The following PI4K2B variants were observed in gnomAD, a reference collection of about 807,000 sequenced individuals.
The protein encoded by PI4K2B is phosphatidylinositol 4-kinase type 2-beta.
In PI4K2B, 46 loss-of-function variants were observed where a neutral mutation model predicts 56.6. That is an observed-to-expected ratio of 0.81 (90% CI 0.64 to 1.04). PI4K2B has a LOEUF of 1.04. Among genes scored for constraint, PI4K2B ranks in the 50% least tolerant of loss-of-function variants. PI4K2B has a pLI of 0.00. For missense variants in PI4K2B, 556 were observed against 607.7 expected, an observed-to-expected ratio of 0.91 and a Z score of 0.89; for synonymous variants, 211 against 223.8, an observed-to-expected ratio of 0.94 and a Z score of 0.51.
At chr4:25,261,997 A>G (rs956640867) in intron 6 of PI4K2B, among the ~76,000 whole-genome samples, 1 of 152,202 alleles carries the variant, frequency 6.6e-6, no homozygotes, top group Non-Finnish European at 1.5e-5. Context: ...ATAAATGCTC[A>G]TATGTATAAG....
intron 4 of PI4K2B, 24 bp from the exon 5 acceptor site, chr4:25,259,013 T>C (rs766999027): frequency 1.6e-6 from 2 of 1,283,474 alleles, no homozygotes; most frequent in Non-Finnish European, 2.2e-6. Context: ...CTTTCTTTTC[T>C]AACTATAGTT....
In PI4K2B at chr4:25,234,041, C is replaced by T; in HGVS notation, c.-123C>T. The T allele has an allele frequency of 1.2e-6, 1 of 861,674 alleles. No individual in the cohort carries two copies. Among genetic ancestry groups the T allele is most frequent in the Non-Finnish European group, 1.5e-6 (1 of 650,670 alleles). The allele number at this position is 861,674 out of a possible 1,614,324, so 53.4% of individuals were successfully genotyped here. Reference sequence around the variant, plus strand: ...ACCGCTGGGCGGGCGCCAAGCGTGCCCGTGCGCTGGTGAGGTGGCGTCCGT... The same window carrying T: ...ACCGCTGGGCGGGCGCCAAGCGTGCTCGTGCGCTGGTGAGGTGGCGTCCGT... On this transcript the variant is annotated 5_prime_UTR_variant, in exon 1 of 10. Transcript: ENST00000264864.
chr4:25,264,451 A>G (rs1716593009), intron 7 of PI4K2B, among the ~76,000 whole-genome samples: 1 of 152,188 alleles, frequency 6.6e-6, no homozygotes, highest in Non-Finnish European at 1.5e-5. Flanking sequence ...GATTTCTGTA[A>G]TTTGCCTTAA....
At chr4:25,268,251 A>G (rs1716737101) in intron 7 of PI4K2B, among the ~76,000 whole-genome samples, 192 bp from the exon 8 acceptor site, 1 of 152,236 alleles carries the variant, frequency 6.6e-6, no homozygotes, top group Non-Finnish European at 1.5e-5. Context: ...CAGAGACATT[A>G]CTAGTTTACT....
At chr4:25,254,020 A>C (rs1031136141) in intron 2 of PI4K2B, among the ~76,000 whole-genome samples, 2 of 152,164 alleles carry the variant, frequency 1.3e-5, no homozygotes, top group African/African-American at 4.8e-5. Context: ...CTCACCTCCC[A>C]AAGTGCTGGG....
intron 7 of PI4K2B, among the ~76,000 whole-genome samples, chr4:25,265,198 C>CAAAAAAAAA (rs71188933): frequency 0.026 from 1,693 of 65,206 alleles, 140 homozygotes; most frequent in East Asian, 0.12. Context: ...TCTGTCTCAC[C>CAAAAAAAAA]AAAAAAAAAA....
intron 1 of PI4K2B, among the ~76,000 whole-genome samples, chr4:25,242,491 G>A (rs374350723): frequency 1.2e-4 from 19 of 152,320 alleles, no homozygotes; most frequent in Admixed American, 4.6e-4. Flanking sequence ...GTCCAGAACC[G>A]TGAACCATTC....
intron 9 of PI4K2B, among the ~76,000 whole-genome samples, chr4:25,273,877 A>G (rs745463820): frequency 1.4e-4 from 21 of 152,158 alleles, no homozygotes; most frequent in Non-Finnish European, 2.9e-4. Context: ...ATCTACCTTT[A>G]TCTCTTGCCG....
intron 7 of PI4K2B, among the ~76,000 whole-genome samples, chr4:25,265,448 C>T (rs972083079): frequency 1.3e-5 from 2 of 151,874 alleles, no homozygotes; most frequent in Non-Finnish European, 2.9e-5. Flanking sequence ...ATTCTTTTCT[C>T]CTATTATGTT....
intron 9 of PI4K2B, among the ~76,000 whole-genome samples, chr4:25,275,501 A>G (rs868203727): frequency 2.6e-5 from 4 of 152,018 alleles, no homozygotes; most frequent in African/African-American, 9.7e-5. Context: ...CTGTCTCTCC[A>G]CAAAGTACAA....
Position 25,269,187 on chromosome 4 carries a change from C to A in PI4K2B, c.1256C>A (p.Ser419Tyr). 6.4e-7 allele frequency: 1 copy of A among 1,572,890 alleles called. No individual in the cohort carries two copies. The highest frequency in any genetic ancestry group is 8.7e-7 in the Non-Finnish European group (1 of 1,143,072). The change falls in exon 9 of 10, where the codon TCT becomes TAT. Residue 419 changes from serine (S) to tyrosine (Y), a missense_variant. By Grantham distance (144) the Ser-to-Tyr change is moderately radical. Transcript: ENST00000264864. ...AAAGCCACTTTTGAAAGTCAGATGT[C>A]TGTGATGAGGGGTCAGGTAAGTTAC... ...FDKATFESQM[S>Y]VMRGQILNLT... is the part of the protein sequence containing the mutation.
intron 1 of PI4K2B, among the ~76,000 whole-genome samples, chr4:25,236,580 A>G (rs1715271937): frequency 2.0e-5 from 3 of 152,216 alleles, no homozygotes; most frequent in South Asian, 4.1e-4. Flanking sequence ...TTTTCACAAC[A>G]GCACAGCAAG....
intron 1 of PI4K2B, among the ~76,000 whole-genome samples, chr4:25,239,976 T>C (rs1308137959): frequency 1.3e-5 from 2 of 152,222 alleles, no homozygotes; most frequent in South Asian, 2.1e-4. Context: ...CAGTAGAATT[T>C]GTTAGTTGAA....
intron 6 of PI4K2B, 93 bp from the exon 7 acceptor site, chr4:25,263,657 G>A (rs1716560281): frequency 1.8e-5 from 9 of 511,060 alleles, no homozygotes; most frequent in Middle Eastern, 5.2e-4. Flanking sequence ...GAGAGAATAT[G>A]TTCTTAAACC....
chr4:25,266,837 T>G (rs948362632), intron 7 of PI4K2B, among the ~76,000 whole-genome samples: 1 of 152,230 alleles, frequency 6.6e-6, no homozygotes, highest in African/African-American at 2.4e-5. Flanking sequence ...TAGTGTTTGC[T>G]ATTACTGAGG....
chr4:25,237,342 G>GTTTTTT (rs36107923), intron 1 of PI4K2B, among the ~76,000 whole-genome samples: 1 of 144,626 alleles, frequency 6.9e-6, no homozygotes, highest in Non-Finnish European at 1.5e-5. Context: ...TACTATTTTT[G>GTTTTTT]TTTTTTTTTT....
chr4:25,269,934 T>G (rs1716815297), intron 9 of PI4K2B, among the ~76,000 whole-genome samples: 1 of 152,002 alleles, frequency 6.6e-6, no homozygotes, highest in Non-Finnish European at 1.5e-5. Context: ...GCCAGGATGG[T>G]CTCGATCTCC....
chr4:25,267,500 A>T (rs1481252059), intron 7 of PI4K2B, among the ~76,000 whole-genome samples: 1 of 152,214 alleles, frequency 6.6e-6, no homozygotes, highest in Non-Finnish European at 1.5e-5. Flanking sequence ...GGCTATAGCG[A>T]ACTATGATTG....
rs1270745679 is a variant in PI4K2B, at chr4:25,234,034, A to G, written c.-130A>G. ...CGGGACAACCGCTGGGCGGGCGCCA[A>G]GCGTGCCCGTGCGCTGGTGAGGTGG... On this transcript the variant is annotated 5_prime_UTR_variant, in exon 1 of 10. Coordinates refer to ENST00000264864, the MANE Select transcript of PI4K2B (RefSeq NM_018323.4). The G allele has an allele frequency of 5.0e-6, 4 of 800,656 alleles. No individual in the cohort carries two copies. Among genetic ancestry groups the G allele is most frequent in the African/African-American group, 1.8e-5 (1 of 55,938 alleles). The allele number at this position is 800,656 out of a possible 1,614,324, so 49.6% of individuals were successfully genotyped here. A position where few individuals can be genotyped will look rare whatever the true frequency, so the allele number is the denominator to read the frequency against.
Sources: gnomAD v4.1 joint callset for allele counts (sites outside exome capture counted in the v4.1 genomes callset) on GRCh38, gnomAD v4.1.1 for gene constraint, MANE v1.5 for transcripts, NCBI Gene and HGNC (gene_info 2026-07-23, HGNC 2026-07-21) for gene names.